DIP2C: variants seen among roughly 807,000 people sequenced by gnomAD.
The protein encoded by DIP2C is DIP2 acetate--CoA ligase C (putative), also known as disco-interacting protein 2 homolog C.
A neutral mutation model predicts 192.4 loss-of-function variants in DIP2C; 33 were observed. That is an observed-to-expected ratio of 0.17 (90% CI 0.13 to 0.23). The LOEUF (loss-of-function observed/expected upper bound fraction) is 0.23, where lower values mean the gene tolerates loss of function less well. DIP2C is among the 10% of genes least tolerant of loss of function. The pLI is 1.00. For missense variants in DIP2C, 1,537 were observed against 2,110.1 expected, an observed-to-expected ratio of 0.73 and a Z score of 5.32; for synonymous variants, 979 against 864.1, an observed-to-expected ratio of 1.13 and a Z score of -2.33.
At chr10:326,910 A>C in intron 31 of DIP2C, 96 bp downstream of exon 31, 5 of 1,426,192 alleles carry the variant, frequency 3.5e-6, no homozygotes, top group Non-Finnish European at 4.7e-6. Context: ...GATGTAGCTA[A>C]GCATCAGCCG....
chr10:400,826 A>G (rs1212978159), intron 9 of DIP2C, among the ~76,000 whole-genome samples: 4 of 151,434 alleles, frequency 2.6e-5, no homozygotes, highest in African/African-American at 9.8e-5. Flanking sequence ...CAAGTTTGGT[A>G]TGTGTTCCTC....
chr10:291,988 C>T (rs1955517620), intron 32 of DIP2C, among the ~76,000 whole-genome samples: 3 of 152,250 alleles, frequency 2.0e-5, no homozygotes, highest in South Asian at 4.1e-4. Flanking sequence ...GGAAGTGTGA[C>T]TGAGCCACCA....
rs1213629573 is a variant in DIP2C at position 414,737 on chromosome 10, G to GTATATATATATATATATATA, written c.860-628_860-627insTATATATATATATATATATA. ...TGTGTGTGTGTGTGTGTGTGTGTGT[G>GTATATATATATATATATATA]TGTACATATATATATATATAATGTG... On this transcript the variant is annotated intron_variant, in intron 7 of 36. Transcript: ENST00000280886. 1.0e-3 allele frequency among the ~76,000 whole-genome samples: 58 copies of GTATATATATATATATATATA among 55,798 alleles called. 1 individual carries two copies. Among genetic ancestry groups the GTATATATATATATATATATA allele is most frequent in the South Asian group, 6.4e-3 (7 of 1,098 alleles). 36.6% of individuals were successfully genotyped at this position (55,798 alleles called of 152,430 possible). A position where few individuals can be genotyped will look rare whatever the true frequency, so the allele number is the denominator to read the frequency against.
At chr10:560,380 T>C (rs1169239862) in intron 1 of DIP2C, among the ~76,000 whole-genome samples, 2 of 150,910 alleles carry the variant, frequency 1.3e-5, no homozygotes, top group East Asian at 3.9e-4. Flanking sequence ...AACACAACCA[T>C]TTAAAAAAAA....
intron 31 of DIP2C, chr10:324,567 G>A (rs1416454514): frequency 5.6e-6 from 1 of 178,358 alleles, no homozygotes. Context: ...GATAGGTCAA[G>A]TAGAAAACTG....
At chr10:599,462 C>G (rs1851918677) in intron 1 of DIP2C, among the ~76,000 whole-genome samples, 1 of 152,212 alleles carries the variant, frequency 6.6e-6, no homozygotes, top group South Asian at 2.1e-4. Flanking sequence ...CAAGAACAAA[C>G]CAAGTTCCAT....
intron 1 of DIP2C, among the ~76,000 whole-genome samples, chr10:512,066 CCTT>C (rs1331238315): frequency 6.6e-6 from 1 of 152,188 alleles, no homozygotes; most frequent in African/African-American, 2.4e-5. Flanking sequence ...GTTCCCAGTG[CCTT>C]CTTACAAAGG....
At chr10:333,767 T>C (rs866171579) in intron 29 of DIP2C, among the ~76,000 whole-genome samples, 4 of 152,260 alleles carry the variant, frequency 2.6e-5, no homozygotes, top group African/African-American at 9.6e-5. Flanking sequence ...TTGGTTACTG[T>C]TGCTTTGCAG....
intron 1 of DIP2C, among the ~76,000 whole-genome samples, chr10:536,900 C>T (rs374290263): frequency 3.9e-5 from 6 of 152,314 alleles, no homozygotes; most frequent in South Asian, 2.1e-4. Context: ...AGTTAACACA[C>T]GCCAGTTCTT....
Position 600,396 on chromosome 10 carries a change from G to A in DIP2C, c.85+89098C>T, listed in dbSNP as rs186474049. On this transcript the variant is annotated intron_variant, in intron 1 of 36. Transcript: ENST00000280886. ...CAAAGCCTGAATGTGGGAACATGGA[G>A]GTGACTGAGCAGCAAGTGGGACGGC... is the stretch of plus-strand genomic sequence containing the variant. Among the ~76,000 whole-genome samples the A allele has an allele frequency of 3.7e-3, 554 of 148,314 alleles. 20 individuals are homozygous for A. Among genetic ancestry groups the A allele is most frequent in the Admixed American group, 0.035 (524 of 14,810 alleles).
intron 7 of DIP2C, among the ~76,000 whole-genome samples, chr10:415,443 G>A (rs577369401): frequency 3.3e-5 from 5 of 152,316 alleles, no homozygotes; most frequent in South Asian, 2.1e-4. Context: ...TGCTGCCAGC[G>A]AAGGATTTCC....
At chr10:604,604 C>A (rs979060939) in intron 1 of DIP2C, among the ~76,000 whole-genome samples, 1 of 152,258 alleles carries the variant, frequency 6.6e-6, no homozygotes, top group African/African-American at 2.4e-5. Context: ...AAGGAGCTTT[C>A]AACTTTAGTA....
chr10:557,180 G>A (rs1848923623), intron 1 of DIP2C, among the ~76,000 whole-genome samples: 1 of 152,216 alleles, frequency 6.6e-6, no homozygotes. Flanking sequence ...GGATGTGCCT[G>A]GCAGCCCCAC....
chr10:586,840 CCCA>C (rs1302165710), intron 1 of DIP2C, among the ~76,000 whole-genome samples: 1 of 138,826 alleles, frequency 7.2e-6, no homozygotes, highest in African/African-American at 3.4e-5. Flanking sequence ...AATGCTGCCC[CCCA>C]CATTTTGTGG....
chr10:309,812 A>C lies in DIP2C; in HGVS notation c.3986+219T>G, dbSNP rs536840184. 2.0e-5 allele frequency among the ~76,000 whole-genome samples: 3 copies of C among 152,100 alleles called. No individual in the cohort carries two copies. In the South Asian group the frequency reaches 6.2e-4, roughly 32 times the overall value. ...GTGATCCGCCTACCTCAGCCTCCCAAATACCTGGGATTACAGGCGTGAGCC... is the reference window on the plus strand; with the variant it reads ...GTGATCCGCCTACCTCAGCCTCCCACATACCTGGGATTACAGGCGTGAGCC... On this transcript the variant is annotated intron_variant, in intron 32 of 36. Coordinates refer to ENST00000280886, the MANE Select transcript of DIP2C (RefSeq NM_014974.3).
chr10:652,172 A>C lies in DIP2C; in HGVS notation c.85+37322T>G. 1 of 163,248 alleles carries C rather than the reference A, an allele frequency of 6.1e-6. No homozygotes were observed. Among genetic ancestry groups the C allele is most frequent in the Non-Finnish European group, 1.4e-5 (1 of 73,978 alleles). The allele number at this position is 163,248 out of a possible 1,614,324, so 10.1% of individuals were successfully genotyped here. ...CATGAGCAGCACGATAAACAGAATGAGCAAAATTCAAAAACTAAAGCAGCG... is the reference window on the plus strand; with the variant it reads ...CATGAGCAGCACGATAAACAGAATGCGCAAAATTCAAAAACTAAAGCAGCG... On this transcript the variant is annotated intron_variant, in intron 1 of 36. Transcript: ENST00000280886. This position sits in a 1 kb window ranked among gnomAD's most constrained non-coding sequence, Gnocchi z 4.5.
At chr10:315,687 T>C (rs956500109) in intron 31 of DIP2C, among the ~76,000 whole-genome samples, 1 of 152,206 alleles carries the variant, frequency 6.6e-6, no homozygotes, top group South Asian at 2.1e-4. Flanking sequence ...CTGCCTGGAG[T>C]TGACTGAGCT....
intron 1 of DIP2C, among the ~76,000 whole-genome samples, chr10:534,343 G>A (rs531680569): frequency 2.0e-5 from 3 of 152,350 alleles, no homozygotes; most frequent in Admixed American, 6.5e-5. Flanking sequence ...GGAGCCAGAT[G>A]GTCAGGAGTT....
Position 689,126 on chromosome 10 carries a change from C to T in DIP2C, c.85+368G>A, listed in dbSNP as rs1831444950. ...CGCTGCATCCTGCGTCCCCGCGCGG[C>T]GCCCAGGCCCCACAGACACCCCCAG... On this transcript the variant is annotated intron_variant, in intron 1 of 36. Coordinates refer to ENST00000280886, the MANE Select transcript of DIP2C (RefSeq NM_014974.3). This position sits in a 1 kb window ranked among gnomAD's most constrained non-coding sequence, Gnocchi z 6.1. Among the ~76,000 whole-genome samples the T allele has an allele frequency of 6.6e-6, 1 of 152,080 alleles. No homozygotes were observed. Among genetic ancestry groups the T allele is most frequent in the African/African-American group, 2.4e-5 (1 of 41,444 alleles).
Sources: gnomAD v4.1 joint callset for allele counts (sites outside exome capture counted in the v4.1 genomes callset) on GRCh38, gnomAD v4.1.1 for gene constraint, Gnocchi (gnomAD v3.1) non-coding constraint, MANE v1.5 for transcripts, NCBI Gene and HGNC (gene_info 2026-07-23, HGNC 2026-07-21) for gene names.